PLA2G5: variants seen among roughly 807,000 people sequenced by gnomAD.
PLA2G5 encodes Ca2+-dependent phospholipase A2.
A neutral mutation model predicts 15.9 loss-of-function variants in PLA2G5; 12 were observed. The ratio of observed to expected loss-of-function variants is 0.76; its 90% CI spans 0.48 to 1.23. The LOEUF (loss-of-function observed/expected upper bound fraction) is 1.23, where lower values mean the gene tolerates loss of function less well. Among genes scored for constraint, PLA2G5 ranks in the 50% most tolerant of loss-of-function variants. The pLI is 0.00. For missense variants in PLA2G5, 169 were observed against 177.1 expected (o/e 0.95, Z 0.26); for synonymous variants, 71 against 71.4 (o/e 0.99, Z 0.03).
At chr1:20,040,055 T>C (rs2013507310) in intron 1 of PLA2G5, among the ~76,000 whole-genome samples, 1 of 152,104 alleles carries the variant, frequency 6.6e-6, no homozygotes, top group Non-Finnish European at 1.5e-5. Context: ...AAAGATTTTG[T>C]TCAAAATAGA....
Position 20,090,744 on chromosome 1 carries a change from A to G in PLA2G5, c.*52A>G, listed in dbSNP as rs1459823589. 1.3e-6 allele frequency: 2 copies of G among 1,590,772 alleles called. No homozygotes were observed. Among genetic ancestry groups the G allele is most frequent in the Non-Finnish European group, 1.7e-6 (2 of 1,159,338 alleles). ...CAAGACTTTTGTTCTGTTTTTCTAC[A>G]ACACAGAGTACTGACTCTGCCTGGT... On this transcript the variant is annotated 3_prime_UTR_variant, in exon 5 of 5. Coordinates refer to ENST00000375108, the MANE Select transcript of PLA2G5 (RefSeq NM_000929.3).
intron 1 of PLA2G5, among the ~76,000 whole-genome samples, chr1:20,058,211 C>T (rs2014533948): frequency 6.6e-6 from 1 of 152,188 alleles, no homozygotes; most frequent in African/African-American, 2.4e-5. Context: ...CTGTTCATTA[C>T]TGAGAGAGGG....
chr1:20,057,797 C>T (rs1326839018), intron 1 of PLA2G5, among the ~76,000 whole-genome samples: 1 of 152,202 alleles, frequency 6.6e-6, no homozygotes, highest in Non-Finnish European at 1.5e-5. Context: ...CCGCACCCTA[C>T]TGCATCTTAC....
upstream of PLA2G5, among the ~76,000 whole-genome samples, chr1:20,065,830 T>C (rs11579601): frequency 0.12 from 18,489 of 152,234 alleles, 2,074 homozygotes; most frequent in African/African-American, 0.3. Flanking sequence ...GGTAACACTA[T>C]ATTTAGCTTT....
intron 1 of PLA2G5, among the ~76,000 whole-genome samples, chr1:20,083,871 T>C (rs1227726794): frequency 6.6e-6 from 1 of 151,628 alleles, no homozygotes; most frequent in Non-Finnish European, 1.5e-5. Flanking sequence ...AGAACAGTAA[T>C]ACCTACCCTG....
chr1:20,088,230 G>A (rs1267221731), intron 3 of PLA2G5, among the ~76,000 whole-genome samples: 1 of 150,230 alleles, frequency 6.7e-6, no homozygotes, highest in African/African-American at 2.5e-5. Flanking sequence ...GGTGGCACAT[G>A]CCTGTAATCC....
chr1:20,080,865 A>AG (rs780992561), intron 1 of PLA2G5, among the ~76,000 whole-genome samples: 3 of 151,756 alleles, frequency 2.0e-5, no homozygotes, highest in Non-Finnish European at 4.4e-5. Flanking sequence ...GGGCCGAGAG[A>AG]GGGGCTATGA....
At position 20,047,079 on chromosome 1, in the gene PLA2G5, G is replaced by A. The variant is rs2013942005; in HGVS notation, n.277-12553G>A. ...AGGGGCCTTGTGGGAGTGTCTGGGG[G>A]TTTAACCCCCTGTGATTTGCAGCAG... On this transcript the variant is annotated intron_variant and non_coding_transcript_variant, in intron 1 of 6. Coordinates refer to the PLA2G5 transcript ENST00000460175. Among the ~76,000 whole-genome samples the A allele has an allele frequency of 2.0e-5, 3 of 152,284 alleles. No individual in the cohort carries two copies. In the South Asian group the frequency reaches 6.2e-4, roughly 32 times the overall value.
At position 20,038,634 on chromosome 1, in the gene PLA2G5, CTG is replaced by C. The variant is rs1553170980; in HGVS notation, n.276+9926_276+9927del. ...CCCATCTCTACAAGAAATAAATTAA[CTG>C]GGCATGGTGGTAAATGCCTGTAGTC... On this transcript the variant is annotated intron_variant and non_coding_transcript_variant, in intron 1 of 6. Coordinates refer to the PLA2G5 transcript ENST00000460175. Among the ~76,000 whole-genome samples the C allele has an allele frequency of 9.5e-4, 145 of 152,234 alleles. 1 individual carries two copies. The highest frequency in any genetic ancestry group is 3.3e-3 in the African/African-American group (135 of 41,534).
chr1:20,049,622 G>A (rs1044800219), intron 1 of PLA2G5, among the ~76,000 whole-genome samples: 9 of 152,086 alleles, frequency 5.9e-5, no homozygotes, highest in African/African-American at 2.2e-4. Flanking sequence ...TTTATAAAGG[G>A]GAGTTCCCCT....
chr1:20,068,097 G>A (rs549000681), upstream of PLA2G5, among the ~76,000 whole-genome samples: 30 of 152,090 alleles, frequency 2.0e-4, no homozygotes, highest in South Asian at 1.5e-3. Flanking sequence ...CAGCCTGGGC[G>A]ACAAGAGCGA....
At chr1:20,036,969 A>G (rs1482483240) in intron 1 of PLA2G5, among the ~76,000 whole-genome samples, 2 of 152,150 alleles carry the variant, frequency 1.3e-5, no homozygotes, top group Non-Finnish European at 2.9e-5. Flanking sequence ...CTGGCCTTTT[A>G]AAAATTTCTT....
intron 1 of PLA2G5, among the ~76,000 whole-genome samples, chr1:20,077,637 C>T (rs1338953858): frequency 6.6e-6 from 1 of 152,152 alleles, no homozygotes; most frequent in Non-Finnish European, 1.5e-5. Flanking sequence ...TGTCCCGGGC[C>T]GTTCTGCCTG....
At chr1:20,049,278 A>G (rs1167344762) in intron 1 of PLA2G5, among the ~76,000 whole-genome samples, 6 of 152,194 alleles carry the variant, frequency 3.9e-5, no homozygotes, top group Non-Finnish European at 8.8e-5. Context: ...TTTATTTTAA[A>G]AAGCTTTTAC....
At chr1:20,037,113 G>A (rs1374738670) in intron 1 of PLA2G5, among the ~76,000 whole-genome samples, 1 of 152,170 alleles carries the variant, frequency 6.6e-6, no homozygotes, top group Non-Finnish European at 1.5e-5. Flanking sequence ...GATCTTATGG[G>A]GGTGTTAAAG....
chr1:20,043,090 G>T (rs2013705994), intron 1 of PLA2G5, among the ~76,000 whole-genome samples: 1 of 152,146 alleles, frequency 6.6e-6, no homozygotes, highest in Admixed American at 6.6e-5. Flanking sequence ...GAGACTGATG[G>T]GTGTCAGGGT....
At chr1:20,034,849 C>A (rs563106970) in intron 1 of PLA2G5, among the ~76,000 whole-genome samples, 24 of 152,138 alleles carry the variant, frequency 1.6e-4, no homozygotes, top group African/African-American at 5.5e-4. Flanking sequence ...ACTGGGAAGA[C>A]CTCTCACCCA....
intron 1 of PLA2G5, among the ~76,000 whole-genome samples, chr1:20,082,549 A>G (rs1456134255): frequency 6.6e-6 from 1 of 151,860 alleles, no homozygotes; most frequent in East Asian, 1.9e-4. Flanking sequence ...TTGGGAGACT[A>G]CCTTTCCCTG....
At chr1:20,032,809 T>C (rs1216953026) in intron 1 of PLA2G5, among the ~76,000 whole-genome samples, 1 of 152,146 alleles carries the variant, frequency 6.6e-6, no homozygotes, top group Non-Finnish European at 1.5e-5. Flanking sequence ...TTGGGAAAAA[T>C]GGGCAGTAAT....
Sources: gnomAD v4.1 joint callset for allele counts (sites outside exome capture counted in the v4.1 genomes callset) on GRCh38, gnomAD v4.1.1 for gene constraint, MANE v1.5 for transcripts, NCBI Gene and HGNC (gene_info 2026-07-23, HGNC 2026-07-21) for gene names.